Variants in ZNF746 observed in about 807,000 individuals in gnomAD.
The protein encoded by ZNF746 is parkin-interacting substrate.
Under a neutral mutation model 41.0 loss-of-function variants are expected in ZNF746, and 13 were observed. The ratio of observed to expected loss-of-function variants is 0.32; its 90% CI spans 0.21 to 0.50. The LOEUF (loss-of-function observed/expected upper bound fraction) is 0.50, where lower values mean the gene tolerates loss of function less well. Among genes scored for constraint, ZNF746 ranks in the 20% least tolerant of loss-of-function variants. The probability of loss-of-function intolerance (pLI) is 0.98; values close to 1 mark genes in which losing one functional copy is unlikely to be tolerated. For missense variants in ZNF746, 811 were observed against 922.9 expected (o/e 0.88, Z 1.57); for synonymous variants, 424 against 396.2 (o/e 1.07, Z -0.83).
At position 149,494,771 on chromosome 7, in the gene ZNF746, A is replaced by G. The variant is rs1174358471; in HGVS notation, c.25-268T>C. ...TTATCACCCTACACAATAATTTCCT[A>G]CCCACACCTACACTGTGGGCTCCCT... On this transcript the variant is annotated intron_variant, in intron 1 of 6. Transcript: ENST00000458143. The surrounding 1 kb of genome is among the most constrained non-coding windows in gnomAD (Gnocchi z 5.6). Among the ~76,000 whole-genome samples the G allele has an allele frequency of 6.6e-6, 1 of 151,086 alleles. No homozygotes were observed. The highest frequency in any genetic ancestry group is 1.5e-5 in the Non-Finnish European group (1 of 67,812).
chr7:149,497,017 C>A lies in ZNF746; in HGVS notation c.24+496G>T, dbSNP rs1279384449. 1 of 985,300 alleles carries A rather than the reference C, an allele frequency of 1.0e-6. No individual in the cohort carries two copies. The highest frequency in any genetic ancestry group is 1.2e-6 in the Non-Finnish European group (1 of 829,944). The allele number at this position is 985,300 out of a possible 1,614,324, so 61.0% of individuals were successfully genotyped here. ...AGGACAGACTAACGCCTCAACAGGG[C>A]TTGTGGAAGTGCGTGGCTCTATATT... On this transcript the variant is annotated intron_variant, in intron 1 of 6. Coordinates refer to ENST00000458143, the MANE Select transcript of ZNF746 (RefSeq NM_001394198.1). This position sits in a 1 kb window ranked among gnomAD's most constrained non-coding sequence, Gnocchi z 4.2.
In ZNF746 at chr7:149,474,502, G is replaced by A; in HGVS notation, c.1865C>T (p.Ala622Val). 1 of 1,610,272 alleles carries A rather than the reference G, an allele frequency of 6.2e-7. No homozygotes were observed. The highest frequency in any genetic ancestry group is 8.5e-7 in the Non-Finnish European group (1 of 1,178,270). ...ARGQPLPTPP[A>V]PPDPFKSPAS... is the part of the protein sequence containing the mutation. Reference sequence around the variant, plus strand: ...GGGGCTCTTGAAGGGATCAGGAGGTGCGGGCGGCGTCGGGAGTGGCTGGCC... The same window carrying A: ...GGGGCTCTTGAAGGGATCAGGAGGTACGGGCGGCGTCGGGAGTGGCTGGCC... The change falls in exon 7 of 7, where the codon GCA (alanine) becomes GTA (valine). Residue 622 changes from alanine (A) to valine (V), a missense_variant. Transcript: ENST00000458143. The surrounding 1 kb of genome is among the most constrained non-coding windows in gnomAD (Gnocchi z 6.3).
chr7:149,473,514 G>A lies in ZNF746; in HGVS notation c.*870C>T, dbSNP rs1800169725. Reference sequence around the variant, plus strand: ...AGAAACTACCACACAAAGTGAACAGGAGACAGAAGCATCTCACGGAGTGGG... The same window carrying A: ...AGAAACTACCACACAAAGTGAACAGAAGACAGAAGCATCTCACGGAGTGGG... On this transcript the variant is annotated 3_prime_UTR_variant, in exon 7 of 7. Coordinates refer to ENST00000458143, the MANE Select transcript of ZNF746 (RefSeq NM_001394198.1). The A allele has an allele frequency of 6.6e-6, 1 of 152,266 alleles. No individual in the cohort carries two copies. Among genetic ancestry groups the A allele is most frequent in the South Asian group, 2.1e-4 (1 of 4,832 alleles). 9.4% of individuals were successfully genotyped at this position (152,266 alleles called of 1,614,324 possible).
chr7:149,494,548 T>C lies in ZNF746; in HGVS notation c.25-45A>G, dbSNP rs1330660974. On this transcript the variant is annotated intron_variant, in intron 1 of 6. Transcript: ENST00000458143. The surrounding 1 kb of genome is among the most constrained non-coding windows in gnomAD (Gnocchi z 5.6). Reference sequence around the variant, plus strand: ...AACTGGCATCACTCATTCCATCCACTGTCTTCATTGAGCCCCTCTCTCCCT... The same window carrying C: ...AACTGGCATCACTCATTCCATCCACCGTCTTCATTGAGCCCCTCTCTCCCT... 1 of 1,606,238 alleles carries C rather than the reference T, an allele frequency of 6.2e-7. No individual in the cohort carries two copies. Among genetic ancestry groups the C allele is most frequent in the Admixed American group, 1.7e-5 (1 of 59,636 alleles).
chr7:149,475,373 C>T lies in ZNF746; in HGVS notation c.994G>A (p.Ala332Thr), dbSNP rs1800262833. The T allele has an allele frequency of 6.2e-7, 1 of 1,614,198 alleles. No individual in the cohort carries two copies. Among genetic ancestry groups the T allele is most frequent in the Non-Finnish European group, 8.5e-7 (1 of 1,180,028 alleles). The change falls in exon 7 of 7, where the codon GCC becomes ACC. Residue 332 changes from alanine (A) to threonine (T), a missense_variant. Around this residue, in one of 4 missense-constraint regions of ZNF746, gnomAD observed 495 missense variants for 481.6 expected, o/e 1.03. Transcript: ENST00000458143. The part of the protein sequence containing the change: ...AHGTLFGPGQ[A>T]TRFFPSPAQE... ...GCAGGACTAGGGAAGAACCGTGTGGCTTGGCCTGGTCCAAACAGGGTCCCG... is the reference window on the plus strand; with the variant it reads ...GCAGGACTAGGGAAGAACCGTGTGGTTTGGCCTGGTCCAAACAGGGTCCCG...
At chr7:149,492,552 G>A (rs974791476) in intron 4 of ZNF746, among the ~76,000 whole-genome samples, 1 of 152,078 alleles carries the variant, frequency 6.6e-6, no homozygotes, top group African/African-American at 2.4e-5. Flanking sequence ...CTGCGTTAAG[G>A]GTCAACTATG....
At chr7:149,472,763 C>G (rs1361593919), downstream of ZNF746, 3 of 152,634 alleles carry the variant, frequency 2.0e-5, no homozygotes, top group Non-Finnish European at 4.4e-5. Flanking sequence ...GACAAAGACA[C>G]ATGCCTAGGA....
chr7:149,484,836 TAAATG>T (rs1337845958), intron 4 of ZNF746, among the ~76,000 whole-genome samples: 1 of 152,184 alleles, frequency 6.6e-6, no homozygotes, highest in Non-Finnish European at 1.5e-5. Flanking sequence ...TCGTTATCAA[TAAATG>T]AAAGACAACT....
intron 4 of ZNF746, among the ~76,000 whole-genome samples, chr7:149,481,023 C>A (rs1329301504): frequency 1.3e-5 from 2 of 152,020 alleles, no homozygotes; most frequent in African/African-American, 4.8e-5. Context: ...AAAATAAATC[C>A]ACATCTAGAC....
chr7:149,495,051 CTTTT>C (rs1006996581), intron 1 of ZNF746, among the ~76,000 whole-genome samples: 1 of 152,004 alleles, frequency 6.6e-6, no homozygotes, highest in African/African-American at 2.4e-5. Flanking sequence ...TTTCTTTTTT[CTTTT>C]TTTGTTTTTT....
chr7:149,477,522 TC>T, intron 5 of ZNF746, 41 bp downstream of exon 5: 1 of 1,555,656 alleles, frequency 6.4e-7, no homozygotes, highest in Non-Finnish European at 8.7e-7. Flanking sequence ...CCTCCTGTGA[TC>T]CCTGCAACTT....
At chr7:149,483,222 C>T (rs549435123) in intron 4 of ZNF746, among the ~76,000 whole-genome samples, 1 of 152,148 alleles carries the variant, frequency 6.6e-6, no homozygotes, top group African/African-American at 2.4e-5. Context: ...TATCTGGAAC[C>T]CAATATTAAT....
At chr7:149,493,154 T>A (rs10236963) in intron 3 of ZNF746, among the ~76,000 whole-genome samples, 182 bp from the exon 4 acceptor site, 4,560 of 152,298 alleles carry the variant, frequency 0.03, 240 homozygotes, top group African/African-American at 0.1. Flanking sequence ...ATTCTGGTTG[T>A]CATGCCCAGG....
At chr7:149,493,638 G>T (rs1330866188) in intron 3 of ZNF746, among the ~76,000 whole-genome samples, 1 of 152,230 alleles carries the variant, frequency 6.6e-6, no homozygotes, top group East Asian at 1.9e-4. Context: ...GTAGGAGAAG[G>T]CTGAAGGAAA....
intron 6 of ZNF746, 44 bp from the exon 7 acceptor site, chr7:149,475,527 C>G (rs766298570): frequency 1.3e-6 from 2 of 1,549,578 alleles, no homozygotes; most frequent in Admixed American, 1.8e-5. Context: ...CCCTTAACTG[C>G]TGAGCGAGCC....
chr7:149,486,374 A>G (rs1800622758), intron 4 of ZNF746, among the ~76,000 whole-genome samples: 1 of 150,604 alleles, frequency 6.6e-6, no homozygotes, highest in Admixed American at 6.6e-5. Flanking sequence ...CTACACCTAC[A>G]GAAGCTTTTA....
intron 4 of ZNF746, chr7:149,488,732 C>T (rs1800700811): frequency 2.6e-5 from 4 of 152,146 alleles, no homozygotes; most frequent in Admixed American, 2.0e-4. Context: ...TAGGAGCACC[C>T]GCTGGCACTG....
chr7:149,489,201 A>G (rs1800717073), intron 4 of ZNF746: 1 of 151,658 alleles, frequency 6.6e-6, no homozygotes, highest in African/African-American at 2.4e-5. Flanking sequence ...AGACCTAAAA[A>G]GGAATTTAAA....
chr7:149,497,637 C>A lies in ZNF746; in HGVS notation c.-101G>T. 1 of 909,288 alleles carries A rather than the reference C, an allele frequency of 1.1e-6. No homozygotes were observed. The allele number at this position is 909,288 out of a possible 1,614,324, so 56.3% of individuals were successfully genotyped here. Reference sequence around the variant, plus strand: ...CGCCCGGTGCTCTCCGCAGGCGGCGCCTGCCTGGCCTTTCCTCTGCCGCCG... The same window carrying A: ...CGCCCGGTGCTCTCCGCAGGCGGCGACTGCCTGGCCTTTCCTCTGCCGCCG... On this transcript the variant is annotated 5_prime_UTR_variant, in exon 1 of 7. Coordinates refer to ENST00000458143, the MANE Select transcript of ZNF746 (RefSeq NM_001394198.1). The surrounding 1 kb of genome is among the most constrained non-coding windows in gnomAD (Gnocchi z 4.2).
Sources: allele counts gnomAD v4.1 joint callset (sites outside exome capture counted in the v4.1 genomes callset), GRCh38; gene constraint gnomAD v4.1.1; regional missense constraint gnomAD v4.1.1; non-coding constraint Gnocchi (gnomAD v3.1); transcripts MANE v1.5; gene names NCBI Gene and HGNC (gene_info 2026-07-23, HGNC 2026-07-21).